CCDC30: variants seen among roughly 807,000 people sequenced by gnomAD.
The protein encoded by CCDC30 is coiled-coil domain containing 30.
Under a neutral mutation model 100.2 loss-of-function variants are expected in CCDC30, and 70 were observed. That is an observed-to-expected ratio of 0.70 (90% CI 0.58 to 0.85). CCDC30 has a LOEUF of 0.85. Ranked by LOEUF, CCDC30 falls within the 40% of genes least tolerant of loss-of-function variation. CCDC30 has a pLI of 0.00. For missense variants in CCDC30, 652 were observed against 771.2 expected (o/e 0.85, Z 1.83); for synonymous variants, 233 against 269.5 (o/e 0.86, Z 1.33).
At chr1:42,565,088 T>G (rs1471154882) in intron 6 of CCDC30, among the ~76,000 whole-genome samples, 1 of 152,202 alleles carries the variant, frequency 6.6e-6, no homozygotes, top group Non-Finnish European at 1.5e-5. Context: ...CTATATTTTC[T>G]TTTCCATTCA....
rs535593289 is a variant in CCDC30 at position 42,629,734 on chromosome 1, C to T, written c.1278-7503C>T. On this transcript the variant is annotated intron_variant, in intron 11 of 16. Coordinates refer to ENST00000668663, the Ensembl canonical transcript of CCDC30. The stretch of plus-strand genomic sequence containing the variant: ...GCAACCTCTGCCTCCCGGGTTCAAG[C>T]AATTCTTCTGCCTCAGCCTCCCAAG... Among the ~76,000 whole-genome samples the T allele has an allele frequency of 8.6e-5, 13 of 151,866 alleles. No individual in the cohort carries two copies. The South Asian group carries it at 2.5e-3, about 29-fold the overall frequency.
intron 6 of CCDC30, among the ~76,000 whole-genome samples, chr1:42,499,381 C>T (rs1461690092): frequency 1.3e-5 from 2 of 151,946 alleles, no homozygotes; most frequent in African/African-American, 2.4e-5. Context: ...TATGTTTTGG[C>T]CATTTATATA....
chr1:42,563,856 G>A (rs1452225448), intron 6 of CCDC30, among the ~76,000 whole-genome samples: 3 of 150,486 alleles, frequency 2.0e-5, no homozygotes, highest in African/African-American at 4.9e-5. Context: ...CAGCCTGGGC[G>A]ACAAAGCGAG....
At chr1:42,640,347 G>C (rs1647295799) in intron 12 of CCDC30, among the ~76,000 whole-genome samples, 1 of 152,124 alleles carries the variant, frequency 6.6e-6, no homozygotes, top group Admixed American at 6.5e-5. Flanking sequence ...AAAAAATACA[G>C]TATTTCCCAA....
chr1:42,653,993 G>C (rs770756713), exon 17 of CCDC30: 4 of 1,613,854 alleles, frequency 2.5e-6, no homozygotes, highest in East Asian at 2.2e-5. Flanking sequence ...GGAGACACAT[G>C]GTATACAAGA....
At chr1:42,538,179 A>T (rs1191850295) in intron 6 of CCDC30, among the ~76,000 whole-genome samples, 4 of 130,402 alleles carry the variant, frequency 3.1e-5, no homozygotes, top group African/African-American at 1.1e-4. Flanking sequence ...AAAAAAAAAA[A>T]ATTAGCCAGG....
intron 6 of CCDC30, among the ~76,000 whole-genome samples, chr1:42,523,030 A>G (rs967403931): frequency 3.3e-5 from 5 of 152,234 alleles, no homozygotes; most frequent in African/African-American, 1.2e-4. Flanking sequence ...GGCTTTCACC[A>G]TGTTGGCTAG....
intron 10 of CCDC30, among the ~76,000 whole-genome samples, chr1:42,603,209 T>C (rs887034710): frequency 6.6e-6 from 1 of 152,212 alleles, no homozygotes; most frequent in Non-Finnish European, 1.5e-5. Context: ...AATGGCACTT[T>C]GTTGCTGCAC....
chr1:42,476,690 CAAAA>C (rs545352046), intron 1 of CCDC30, among the ~76,000 whole-genome samples: 1 of 108,736 alleles, frequency 9.2e-6, no homozygotes, highest in Non-Finnish European at 1.9e-5. Context: ...AACTCCTTCT[CAAAA>C]AAAAAAAAAA....
intron 6 of CCDC30, chr1:42,529,728 A>G (rs1644778816): frequency 6.6e-6 from 1 of 152,196 alleles, no homozygotes; most frequent in South Asian, 2.1e-4. Flanking sequence ...GCAGGTAAGG[A>G]GTAACAGCCC....
At chr1:42,489,778 T>C (rs1376002780) in intron 3 of CCDC30, among the ~76,000 whole-genome samples, 1 of 152,232 alleles carries the variant, frequency 6.6e-6, no homozygotes, top group Non-Finnish European at 1.5e-5. Flanking sequence ...CTAAATATGA[T>C]TGATTGCAGG....
At chr1:42,482,945 G>C (rs747625025) in intron 3 of CCDC30, 129 bp downstream of exon 3, 9 of 624,870 alleles carry the variant, frequency 1.4e-5, no homozygotes, top group Admixed American at 4.4e-5. Flanking sequence ...TAAAAGTGAT[G>C]AACAGCCTCA....
chr1:42,610,725 T>C (rs1646603054), intron 10 of CCDC30, among the ~76,000 whole-genome samples: 1 of 152,040 alleles, frequency 6.6e-6, no homozygotes, highest in Non-Finnish European at 1.5e-5. Flanking sequence ...ACACGCGGCC[T>C]TGGAAGATTT....
chr1:42,578,629 CAT>C (rs1397019951), intron 8 of CCDC30, among the ~76,000 whole-genome samples: 1 of 152,004 alleles, frequency 6.6e-6, no homozygotes, highest in Non-Finnish European at 1.5e-5. Context: ...AACAAGAACT[CAT>C]ATATATTAAC....
rs564203856 is a variant in CCDC30 at position 42,549,154 on chromosome 1, G to A, written c.457-17142G>A. On this transcript the variant is annotated intron_variant, in intron 6 of 16. Transcript: ENST00000668663. ...TTGTAAGATGAGGAAGGACTGATGAGCGGGACCATTGAGCCCTCCATTCCC... is the reference window on the plus strand; with the variant it reads ...TTGTAAGATGAGGAAGGACTGATGAACGGGACCATTGAGCCCTCCATTCCC... 8.1e-4 allele frequency among the ~76,000 whole-genome samples: 123 copies of A among 152,242 alleles called. 1 individual carries two copies. The highest frequency in any genetic ancestry group is 5.9e-4 in the Non-Finnish European group (40 of 68,018).
intron 11 of CCDC30, among the ~76,000 whole-genome samples, chr1:42,621,837 A>G (rs373168036): frequency 1.3e-5 from 2 of 151,084 alleles, no homozygotes; most frequent in East Asian, 2.0e-4. Context: ...TGTAGAGTCA[A>G]GGTCTTACTA....
At chr1:42,490,693 T>C (rs1644124272) in intron 4 of CCDC30, among the ~76,000 whole-genome samples, 1 of 152,124 alleles carries the variant, frequency 6.6e-6, no homozygotes, top group Non-Finnish European at 1.5e-5. Context: ...CTAATCCTCA[T>C]AGCAGTTCCA....
intron 11 of CCDC30, among the ~76,000 whole-genome samples, chr1:42,611,507 A>G (rs1646622840): frequency 6.6e-6 from 1 of 152,000 alleles, no homozygotes; most frequent in South Asian, 2.1e-4. Context: ...TGTTATATAT[A>G]ATGATATACC....
intron 10 of CCDC30, among the ~76,000 whole-genome samples, chr1:42,600,602 C>T (rs1445730577): frequency 6.6e-6 from 1 of 151,940 alleles, no homozygotes; most frequent in Non-Finnish European, 1.5e-5. Context: ...AATGTATGCT[C>T]TCAGACCCTG....
Sources: allele counts gnomAD v4.1 joint callset (sites outside exome capture counted in the v4.1 genomes callset), GRCh38; gene constraint gnomAD v4.1.1; transcripts MANE v1.5; gene names NCBI Gene and HGNC (gene_info 2026-07-23, HGNC 2026-07-21).